CSMD1: variants seen among roughly 807,000 people sequenced by gnomAD.
CSMD1 encodes the protein CUB and sushi domain-containing protein 1.
In CSMD1, 213 loss-of-function variants were observed where a neutral mutation model predicts 417.5. The observed-to-expected ratio is 0.51, with a 90% CI of 0.46 to 0.57. The LOEUF (loss-of-function observed/expected upper bound fraction) is 0.57, where lower values mean the gene tolerates loss of function less well. CSMD1 is among the 20% of genes least tolerant of loss of function. CSMD1 has a pLI of 0.00. For missense variants in CSMD1, 6,923 were observed against 4,529.7 expected, an observed-to-expected ratio of 1.53 and a Z score of -15.17; for synonymous variants, 2,862 against 1,736.8, an observed-to-expected ratio of 1.65 and a Z score of -16.11.
chr8:4,604,381 T>TTG (rs368710127), intron 2 of CSMD1, among the ~76,000 whole-genome samples: 8,486 of 91,540 alleles, frequency 0.093, 304 homozygotes, highest in Admixed American at 0.15. Context: ...ACAAATAGCA[T>TTG]TGTGTGTGTG....
At chr8:4,304,437 A>C (rs55827462) in intron 3 of CSMD1, among the ~76,000 whole-genome samples, 1,529 of 152,296 alleles carry the variant, frequency 0.01, 7 homozygotes, top group Non-Finnish European at 0.017. Flanking sequence ...TTAAGTTCCA[A>C]AAGTTAAGTG....
rs556563704 is a variant in CSMD1, at chr8:3,409,278, C to G, written c.1744+145G>C. ...CAGGCAAGTTGGTGTTCGAGAACGT[C>G]CTTGCACGTTTCCAGTAAATGTGGC... On this transcript the variant is annotated intron_variant, in intron 13 of 69. Coordinates refer to ENST00000635120, the MANE Select transcript of CSMD1 (RefSeq NM_033225.6). 6.5e-6 allele frequency: 4 copies of G among 616,712 alleles called. No individual in the cohort carries two copies. The East Asian group carries it at 9.1e-5, about 14-fold the overall frequency. The allele number at this position is 616,712 out of a possible 1,614,324, so 38.2% of individuals were successfully genotyped here.
intron 1 of CSMD1, among the ~76,000 whole-genome samples, chr8:4,842,471 T>G (rs894033801): frequency 3.5e-4 from 53 of 152,338 alleles, no homozygotes; most frequent in African/African-American, 1.2e-3. Flanking sequence ...TTTCATGAGT[T>G]GTCAGATGCA....
intron 7 of CSMD1, among the ~76,000 whole-genome samples, chr8:3,639,385 G>C (rs975356021): frequency 3.3e-5 from 5 of 152,152 alleles, no homozygotes; most frequent in African/African-American, 1.2e-4. Context: ...ATGAGTGAGG[G>C]TTCATCAAAA....
At chr8:4,605,605 A>T (rs901736403) in intron 2 of CSMD1, among the ~76,000 whole-genome samples, 4 of 152,200 alleles carry the variant, frequency 2.6e-5, no homozygotes, top group Non-Finnish European at 4.4e-5. Context: ...TAGTCAATAA[A>T]ATCTAACCAT....
chr8:4,167,542 C>A (rs1797523767), intron 3 of CSMD1, among the ~76,000 whole-genome samples: 1 of 152,096 alleles, frequency 6.6e-6, no homozygotes, highest in Admixed American at 6.5e-5. Flanking sequence ...TATATAAAAT[C>A]TTGCTTGTTG....
chr8:4,215,324 T>C (rs1296174892), intron 3 of CSMD1, among the ~76,000 whole-genome samples: 1 of 152,204 alleles, frequency 6.6e-6, no homozygotes, highest in Non-Finnish European at 1.5e-5. Context: ...TAGTTACATT[T>C]GGCTTTTAGA....
At chr8:4,038,797 G>A (rs1026213126) in intron 3 of CSMD1, among the ~76,000 whole-genome samples, 2 of 152,194 alleles carry the variant, frequency 1.3e-5, no homozygotes, top group Admixed American at 6.5e-5. Flanking sequence ...GGGCACAGTT[G>A]TTTTCTCTCA....
chr8:4,466,399 A>G (rs1299434530), intron 2 of CSMD1, among the ~76,000 whole-genome samples: 3 of 152,178 alleles, frequency 2.0e-5, no homozygotes, highest in African/African-American at 2.4e-5. Flanking sequence ...AAGAAAAAAC[A>G]AAGCCAAAAA....
chr8:3,563,728 A>C (rs747474333), intron 10 of CSMD1, among the ~76,000 whole-genome samples: 1 of 152,074 alleles, frequency 6.6e-6, no homozygotes, highest in Non-Finnish European at 1.5e-5. Context: ...GTTTTTAGTA[A>C]AAATACAAAG....
chr8:3,096,943 A>G lies in CSMD1; in HGVS notation c.7044T>C (p.Ser2348=), dbSNP rs1815349000. The G allele has an allele frequency of 6.4e-7, 1 of 1,556,108 alleles. No individual in the cohort carries two copies. The highest frequency in any genetic ancestry group is 2.4e-5 in the East Asian group (1 of 41,652). The change falls in exon 47 of 70, where the codon TCT becomes TCC. Residue 2348 remains serine (S), a synonymous_variant. Transcript: ENST00000635120. ...AGTTTGGTTCCACTTTAATACTCCA[A>G]GAGCAAGTCTGGGAGTTAAAATAAT... ...PGNYFNSQTC[S]WSIKVEPNYN...
At chr8:4,356,387 G>C (rs533892167) in intron 3 of CSMD1, among the ~76,000 whole-genome samples, 3 of 151,956 alleles carry the variant, frequency 2.0e-5, no homozygotes, top group South Asian at 2.1e-4. Flanking sequence ...TGGACATTTG[G>C]GTTGGTTCTA....
intron 1 of CSMD1, among the ~76,000 whole-genome samples, chr8:4,843,784 G>A (rs17071689): frequency 0.032 from 4,863 of 152,286 alleles, 239 homozygotes; most frequent in African/African-American, 0.11. Flanking sequence ...CGTATCCGTT[G>A]AATGAACAAA....
In CSMD1 at chr8:3,300,981, AG is replaced by A. The variant is rs1301829045; in HGVS notation, c.3950+6713del. On this transcript the variant is annotated intron_variant, in intron 25 of 69. Coordinates refer to ENST00000635120, the MANE Select transcript of CSMD1 (RefSeq NM_033225.6). ...CTCAAAAAAAAAAAAAAAAAAAAAAAGAGAAAGAAAAATTAGAAATGGTATA... is the reference window on the plus strand; with the variant it reads ...CTCAAAAAAAAAAAAAAAAAAAAAAAAGAAAGAAAAATTAGAAATGGTATA... Among the ~76,000 whole-genome samples the A allele has an allele frequency of 2.4e-3, 334 of 140,108 alleles. 1 individual carries two copies. Among genetic ancestry groups the A allele is most frequent in the African/African-American group, 4.6e-3 (180 of 39,554 alleles). The allele number at this position is 140,108 out of a possible 152,430, so 91.9% of individuals were successfully genotyped here. A position where few individuals can be genotyped will look rare whatever the true frequency, so the allele number is the denominator to read the frequency against.
At chr8:4,596,298 C>A (rs1422897238) in intron 2 of CSMD1, among the ~76,000 whole-genome samples, 1 of 152,006 alleles carries the variant, frequency 6.6e-6, no homozygotes, top group Non-Finnish European at 1.5e-5. Flanking sequence ...GATGCTTAAC[C>A]CAAGCTTCAA....
intron 5 of CSMD1, among the ~76,000 whole-genome samples, chr8:3,979,391 C>T (rs1463148781): frequency 3.3e-5 from 5 of 152,264 alleles, no homozygotes; most frequent in African/African-American, 1.2e-4. Flanking sequence ...GAGACATCAG[C>T]GCAGCTACAG....
chr8:4,456,864 G>A (rs774225098), intron 2 of CSMD1, among the ~76,000 whole-genome samples: 1 of 151,886 alleles, frequency 6.6e-6, no homozygotes, highest in Non-Finnish European at 1.5e-5. Context: ...CTGGCCCTGG[G>A]CACTGGCTTC....
intron 1 of CSMD1, among the ~76,000 whole-genome samples, chr8:4,970,616 A>G (rs1314352076): frequency 1.3e-5 from 2 of 152,068 alleles, no homozygotes; most frequent in African/African-American, 4.8e-5. Context: ...ACTCTTTACA[A>G]TGATAGGAAG....
chr8:4,535,524 A>C (rs1797059275), intron 2 of CSMD1, among the ~76,000 whole-genome samples: 1 of 152,120 alleles, frequency 6.6e-6, no homozygotes, highest in Non-Finnish European at 1.5e-5. Flanking sequence ...TTCGATGTTC[A>C]AATTTTTTAT....
Sources: gnomAD v4.1 joint callset for allele counts (sites outside exome capture counted in the v4.1 genomes callset) on GRCh38, gnomAD v4.1.1 for gene constraint, MANE v1.5 for transcripts, NCBI Gene and HGNC (gene_info 2026-07-23, HGNC 2026-07-21) for gene names.